The following SLC6A2 variants were observed in gnomAD, a reference collection of about 807,000 sequenced individuals.
The protein encoded by SLC6A2 is solute carrier family 6 member 2.
A neutral mutation model predicts 71.7 loss-of-function variants in SLC6A2; 26 were observed. The observed-to-expected ratio is 0.36, with a 90% CI of 0.27 to 0.50. SLC6A2 has a LOEUF of 0.50. Ranked by LOEUF, SLC6A2 falls within the 20% of genes least tolerant of loss-of-function variation. The pLI is 0.96. For synonymous variants in SLC6A2, 363 were observed against 337.9 expected (o/e 1.07, Z -0.82); for missense variants, 581 against 803.9 (o/e 0.72, Z 3.35).
rs576646085 is a variant in SLC6A2, at chr16:55,703,058, G to A, written c.*712G>A. ...GGCCCAGAGATATGGGGGACAGGAG[G>A]AAGAGGGTAAATGAACCACAGTGAG... On this transcript the variant is annotated 3_prime_UTR_variant, in exon 15 of 15. Transcript: ENST00000568943. 128 of 986,638 alleles carry A rather than the reference G, an allele frequency of 1.3e-4. No homozygotes were observed. In the African/African-American group the frequency reaches 2.1e-3, roughly 16 times the overall value. The allele number at this position is 986,638 out of a possible 1,614,324, so 61.1% of individuals were successfully genotyped here.
chr16:55,665,856 G>A (rs1321063640), intron 2 of SLC6A2, among the ~76,000 whole-genome samples: 1 of 152,214 alleles, frequency 6.6e-6, no homozygotes, highest in Non-Finnish European at 1.5e-5. Context: ...GGGATGGGAG[G>A]CAGTGTGGTT....
chr16:55,669,314 A>G (rs538618076), intron 2 of SLC6A2, among the ~76,000 whole-genome samples: 50 of 152,312 alleles, frequency 3.3e-4, no homozygotes, highest in African/African-American at 1.2e-3. Context: ...AGCCTGCAAG[A>G]AGCAAACCTA....
chr16:55,677,413 G>A (rs1311396955), intron 4 of SLC6A2, among the ~76,000 whole-genome samples: 1 of 152,174 alleles, frequency 6.6e-6, no homozygotes, highest in African/African-American at 2.4e-5. Flanking sequence ...GGAAATGATA[G>A]CTTTGCCTCT....
chr16:55,670,126 A>C (rs995516136), intron 3 of SLC6A2, among the ~76,000 whole-genome samples: 1 of 152,222 alleles, frequency 6.6e-6, no homozygotes, highest in Non-Finnish European at 1.5e-5. Context: ...TTGCAGCTGA[A>C]ATATAACATG....
At chr16:55,689,376 T>TA (rs1254457144) in intron 5 of SLC6A2, among the ~76,000 whole-genome samples, 2 of 152,242 alleles carry the variant, frequency 1.3e-5, no homozygotes, top group African/African-American at 4.8e-5. Flanking sequence ...GCTTGAACTA[T>TA]AGTCAGGGTC....
rs1966055810 is a variant in SLC6A2, at chr16:55,704,289, A to G, written c.*1943A>G. 2 of 152,248 alleles carry G rather than the reference A, an allele frequency of 1.3e-5. No homozygotes were observed. Among genetic ancestry groups the G allele is most frequent in the African/African-American group, 4.8e-5 (2 of 41,460 alleles). 9.4% of individuals were successfully genotyped at this position (152,248 alleles called of 1,614,324 possible). ...TCCCCATTTCCCAGGTGAGAGAACC[A>G]AGGCCCAGCATTTTAGTCACTCTTG... On this transcript the variant is annotated 3_prime_UTR_variant, in exon 15 of 15. Transcript: ENST00000568943.
rs1241391049 is a variant in SLC6A2 at position 55,697,850 on chromosome 16, C to G, written c.1261-47C>G. The G allele has an allele frequency of 1.9e-6, 3 of 1,611,252 alleles. No individual in the cohort carries two copies. The South Asian group carries it at 3.3e-5, about 18-fold the overall frequency. The stretch of plus-strand genomic sequence containing the variant: ...AACCCTGGGGCCTGAGACTGAGGTC[C>G]AGGGAGACCCTAATTCCTGCACCCC... On this transcript the variant is annotated intron_variant, in intron 9 of 14. Transcript: ENST00000568943.
chr16:55,690,939 T>C (rs1244198790), intron 5 of SLC6A2, among the ~76,000 whole-genome samples: 1 of 152,076 alleles, frequency 6.6e-6, no homozygotes, highest in Non-Finnish European at 1.5e-5. Context: ...TGTTTCTTTT[T>C]AGTTTGGAGT....
intron 2 of SLC6A2, among the ~76,000 whole-genome samples, chr16:55,668,706 G>A (rs1042362096): frequency 2.6e-5 from 4 of 152,186 alleles, no homozygotes; most frequent in Admixed American, 6.5e-5. Context: ...ACTCAGACAC[G>A]TCTAAGTCCA....
chr16:55,672,067 C>T lies in SLC6A2; in HGVS notation c.536C>T (p.Thr179Ile), dbSNP rs1964936978. The T allele has an allele frequency of 1.2e-6, 2 of 1,614,216 alleles. No individual in the cohort carries two copies. Among genetic ancestry groups the T allele is most frequent in the Non-Finnish European group, 1.7e-6 (2 of 1,180,040 alleles). The change falls in exon 4 of 15, where the codon ACC (threonine) becomes ATC (isoleucine). Residue 179 changes from threonine to isoleucine, a missense_variant. Thr to Ile is a moderately conservative substitution (Grantham distance 89). Coordinates refer to ENST00000568943, the MANE Select transcript of SLC6A2 (RefSeq NM_001172501.3). ...CTGCCCTGGACCGACTGTGGCCACA[C>T]CTGGAACAGCCCCAACTGTACCGAC... Reference protein sequence around the residue: ...LNLPWTDCGHTWNSPNCTDPK... With the variant: ...LNLPWTDCGHIWNSPNCTDPK...
At position 55,705,089 on chromosome 16, in the gene SLC6A2, G is replaced by C; in HGVS notation, c.*2743G>C. The stretch of plus-strand genomic sequence containing the variant: ...ACTGTATATGACACTTGACGCTTTT[G>C]ATATTTTTTCAGGTTTTTAAAGAAT... On this transcript the variant is annotated 3_prime_UTR_variant, in exon 15 of 15. Transcript: ENST00000568943. The C allele has an allele frequency of 1.3e-6, 1 of 794,570 alleles. No homozygotes were observed. Among genetic ancestry groups the C allele is most frequent in the South Asian group, 1.5e-5 (1 of 65,406 alleles). 49.2% of individuals were successfully genotyped at this position (794,570 alleles called of 1,614,324 possible). A position where few individuals can be genotyped will look rare whatever the true frequency, so the allele number is the denominator to read the frequency against.
rs113956400 is a variant in SLC6A2, at chr16:55,685,753, G to A, written c.783+472G>A. Among the ~76,000 whole-genome samples, 689 of 152,300 alleles carry A rather than the reference G, an allele frequency of 4.5e-3. 6 individuals are homozygous for A. Among genetic ancestry groups the A allele is most frequent in the African/African-American group, 0.016 (662 of 41,560 alleles). ...AGGATGCTCTAGAAGATATTCAGAT[G>A]TATGCTGGATTTTGTGTTTCCTCGG... On this transcript the variant is annotated intron_variant, in intron 5 of 14. Coordinates refer to ENST00000568943, the MANE Select transcript of SLC6A2 (RefSeq NM_001172501.3).
chr16:55,658,168 A>G (rs1217408765), intron 2 of SLC6A2, among the ~76,000 whole-genome samples: 4 of 152,084 alleles, frequency 2.6e-5, no homozygotes, highest in Non-Finnish European at 4.4e-5. Context: ...CTCTGCTTCT[A>G]TGTGTACTCT....
intron 2 of SLC6A2, among the ~76,000 whole-genome samples, chr16:55,667,404 CA>C (rs1964783744): frequency 6.6e-6 from 1 of 152,330 alleles, no homozygotes; most frequent in South Asian, 2.1e-4. Flanking sequence ...AATTCTCTCT[CA>C]GGGGTGGTTT....
chr16:55,669,527 G>C lies in SLC6A2; in HGVS notation c.275-38G>C, dbSNP rs755268542. 2.9e-5 allele frequency: 47 copies of C among 1,612,024 alleles called. No homozygotes were observed. In the South Asian group the frequency reaches 4.9e-4, roughly 17 times the overall value. ...ACGGATCCAAGACTGGGAGGGGCAG[G>C]GGTCTGTCAGGTCACACTCTGCCCC... On this transcript the variant is annotated intron_variant, in intron 2 of 14. Transcript: ENST00000568943.
At chr16:55,679,513 C>T (rs1437749595) in intron 4 of SLC6A2, among the ~76,000 whole-genome samples, 1 of 152,216 alleles carries the variant, frequency 6.6e-6, no homozygotes, top group Non-Finnish European at 1.5e-5. Context: ...AGGCGTGAGC[C>T]ACCACACCCA....
chr16:55,691,242 AGAGAGAG>A (rs1965615378), intron 5 of SLC6A2, among the ~76,000 whole-genome samples: 1 of 30,666 alleles, frequency 3.3e-5, no homozygotes, highest in Non-Finnish European at 7.7e-5. Context: ...AGAGAGAGAG[AGAGAGAG>A]AGAGAGAGAG....
chr16:55,683,962 A>C (rs1200413865), intron 4 of SLC6A2, among the ~76,000 whole-genome samples: 1 of 152,114 alleles, frequency 6.6e-6, no homozygotes, highest in Non-Finnish European at 1.5e-5. Flanking sequence ...TTCTCTCAGC[A>C]GTGTGTGCTA....
rs1964849025 is a variant in SLC6A2, at chr16:55,669,597, A to G, written c.307A>G (p.Ile103Val). 5 of 1,614,000 alleles carry G rather than the reference A, an allele frequency of 3.1e-6. No homozygotes were observed. The highest frequency in any genetic ancestry group is 4.2e-6 in the Non-Finnish European group (5 of 1,179,968). The part of the protein sequence containing the change: ...AFLIPYTLFL[I>V]IAGMPLFYME... ...CTTGATCCCGTACACACTGTTCCTT[A>G]TCATCGCGGGGATGCCCCTGTTCTA... The change falls in exon 3 of 15, where the codon ATC (isoleucine) becomes GTC (valine). Residue 103 changes from isoleucine (I) to valine (V), a missense_variant. Around this residue, in one of 5 missense-constraint regions of SLC6A2, gnomAD observed 81 missense variants for 152.4 expected, o/e 0.53. Coordinates refer to ENST00000568943, the MANE Select transcript of SLC6A2 (RefSeq NM_001172501.3).
Sources: allele counts gnomAD v4.1 joint callset (sites outside exome capture counted in the v4.1 genomes callset), GRCh38; gene constraint gnomAD v4.1.1; regional missense constraint gnomAD v4.1.1; transcripts MANE v1.5; gene names NCBI Gene and HGNC (gene_info 2026-07-23, HGNC 2026-07-21).